The following CDS1 variants were observed in gnomAD, a reference collection of about 807,000 sequenced individuals.
CDS1 encodes CDP-diacylglycerol synthase 1.
Under a neutral mutation model 62.1 loss-of-function variants are expected in CDS1, and 41 were observed. The ratio of observed to expected loss-of-function variants is 0.66; its 90% CI spans 0.51 to 0.86. CDS1 has a LOEUF of 0.86. Ranked by LOEUF, CDS1 falls within the 40% of genes least tolerant of loss-of-function variation. The pLI is 0.00. For synonymous variants in CDS1, 185 were observed against 192.6 expected, an observed-to-expected ratio of 0.96 and a Z score of 0.32; for missense variants, 470 against 550.1, an observed-to-expected ratio of 0.85 and a Z score of 1.46.
chr4:84,609,526 G>A lies in CDS1; in HGVS notation c.342+1G>A. 6.4e-7 allele frequency: 1 copy of A among 1,559,602 alleles called. No individual in the cohort carries two copies. The highest frequency in any genetic ancestry group is 8.8e-7 in the Non-Finnish European group (1 of 1,132,176). ...GGGATCCTTCATGCTGATGCTTCTT[G>A]TAAGTTTTTGACTTTTCCCTGAGTG... On this transcript the variant is annotated splice_donor_variant, in intron 3 of 12. Coordinates refer to ENST00000295887, the MANE Select transcript of CDS1 (RefSeq NM_001263.4). LOFTEE classifies it high-confidence loss of function.
At chr4:84,605,265 T>G (rs1479250632) in intron 2 of CDS1, among the ~76,000 whole-genome samples, 1 of 152,154 alleles carries the variant, frequency 6.6e-6, no homozygotes, top group Non-Finnish European at 1.5e-5. Flanking sequence ...TATGAAACAA[T>G]TCTTCCCATT....
intron 5 of CDS1, among the ~76,000 whole-genome samples, chr4:84,630,131 A>T (rs936739165): frequency 3.9e-5 from 6 of 152,218 alleles, no homozygotes; most frequent in Non-Finnish European, 5.9e-5. Flanking sequence ...TTATTACTTG[A>T]GCTTCAAGAT....
At chr4:84,600,681 C>G (rs898621426) in intron 1 of CDS1, among the ~76,000 whole-genome samples, 1 of 152,180 alleles carries the variant, frequency 6.6e-6, no homozygotes, top group Non-Finnish European at 1.5e-5. Context: ...GTCTTGATTA[C>G]AGTAGCTTTA....
intron 5 of CDS1, among the ~76,000 whole-genome samples, chr4:84,620,263 C>T (rs1723640385): frequency 7.0e-6 from 1 of 141,870 alleles, no homozygotes; most frequent in Admixed American, 7.2e-5. Context: ...CACTCTGTCG[C>T]CCAGGGTGGA....
intron 4 of CDS1, among the ~76,000 whole-genome samples, chr4:84,618,280 G>A (rs1447155753): frequency 2.6e-5 from 4 of 152,178 alleles, no homozygotes; most frequent in Non-Finnish European, 2.9e-5. Flanking sequence ...AAAACAGATG[G>A]GGTTTAGAAT....
intron 1 of CDS1, 77 bp from the exon 2 acceptor site, chr4:84,604,166 G>A (rs900792089): frequency 2.9e-5 from 35 of 1,197,468 alleles, no homozygotes; most frequent in African/African-American, 6.1e-5. Flanking sequence ...GACACACTGA[G>A]CAATAAATGA....
intron 5 of CDS1, among the ~76,000 whole-genome samples, chr4:84,620,023 TAAA>T (rs34828724): frequency 1.2e-4 from 15 of 121,368 alleles, no homozygotes; most frequent in Admixed American, 1.7e-4. Flanking sequence ...AACTCTTATC[TAAA>T]AAAAAAAAAA....
At chr4:84,610,382 A>AT (rs1723281629) in intron 3 of CDS1, among the ~76,000 whole-genome samples, 1 of 152,196 alleles carries the variant, frequency 6.6e-6, no homozygotes, top group Admixed American at 6.5e-5. Flanking sequence ...GGGTGTCTAT[A>AT]TAGGGCACTG....
intron 1 of CDS1, among the ~76,000 whole-genome samples, chr4:84,599,456 A>T (rs1396704738): frequency 7.1e-6 from 1 of 140,482 alleles, no homozygotes; most frequent in African/African-American, 2.7e-5. Flanking sequence ...ATATATGCCT[A>T]TGAAGCCATC....
intron 5 of CDS1, among the ~76,000 whole-genome samples, chr4:84,625,674 G>A (rs1723835019): frequency 6.6e-6 from 1 of 151,970 alleles, no homozygotes; most frequent in African/African-American, 2.4e-5. Flanking sequence ...TGTATGTCAT[G>A]GGAAAGGTTT....
chr4:84,587,598 A>G (rs1391850708), intron 1 of CDS1, among the ~76,000 whole-genome samples: 1 of 152,186 alleles, frequency 6.6e-6, no homozygotes, highest in Non-Finnish European at 1.5e-5. Flanking sequence ...TTGAGTGGGA[A>G]TGAGTATTGA....
At chr4:84,621,257 G>T (rs1444054596) in intron 5 of CDS1, among the ~76,000 whole-genome samples, 1 of 152,176 alleles carries the variant, frequency 6.6e-6, no homozygotes, top group African/African-American at 2.4e-5. Flanking sequence ...GCTCCTAGGA[G>T]TTTCCCAATA....
At chr4:84,589,695 G>A (rs1211706867) in intron 1 of CDS1, among the ~76,000 whole-genome samples, 2 of 152,220 alleles carry the variant, frequency 1.3e-5, no homozygotes, top group African/African-American at 2.4e-5. Flanking sequence ...ACAGAGCTGG[G>A]TTTTTAGCTT....
In CDS1 at chr4:84,617,632, T is replaced by G. The variant is rs920554135; in HGVS notation, c.411T>G (p.Tyr137Ter). The G allele has an allele frequency of 1.3e-6, 2 of 1,570,606 alleles. No individual in the cohort carries two copies. Among genetic ancestry groups the G allele is most frequent in the Middle Eastern group, 1.7e-4 (1 of 5,970 alleles). The change falls in exon 4 of 13, where the codon TAT (tyrosine) becomes TAG (stop). Residue 137 changes from tyrosine (Y) to a stop codon, truncating the protein, a stop_gained. Transcript: ENST00000295887. LOFTEE classifies it high-confidence loss of function. ...TAGGTTATAGAGTCTATCATTCTTA[T>G]GATCTACCATGGTTTAGAACACTAA... ...ITIGYRVYHSYDLPWFRTLSW... is the reference protein window; with the variant it reads ...ITIGYRVYHS
chr4:84,631,432 ATTAAT>A (rs1724016640), intron 5 of CDS1, among the ~76,000 whole-genome samples: 2 of 152,228 alleles, frequency 1.3e-5, no homozygotes, highest in South Asian at 4.1e-4. Flanking sequence ...AATAGTTATT[ATTAAT>A]TTTTCTATTA....
chr4:84,637,165 C>G (rs1295185367), intron 8 of CDS1, among the ~76,000 whole-genome samples: 3 of 152,150 alleles, frequency 2.0e-5, no homozygotes, highest in Non-Finnish European at 4.4e-5. Flanking sequence ...TATAAGGATA[C>G]TGGTAAGCAA....
At chr4:84,599,998 C>T (rs1035064799) in intron 1 of CDS1, among the ~76,000 whole-genome samples, 8 of 152,252 alleles carry the variant, frequency 5.3e-5, no homozygotes, top group South Asian at 4.1e-4. Flanking sequence ...ACATTCTCAC[C>T]GGCAGTGCGC....
At chr4:84,617,826 T>C (rs1188358590) in intron 4 of CDS1, among the ~76,000 whole-genome samples, 165 bp downstream of exon 4, 2 of 152,198 alleles carry the variant, frequency 1.3e-5, no homozygotes, top group East Asian at 1.9e-4. Flanking sequence ...ACCTTTGTCT[T>C]TCCTACTCCA....
chr4:84,624,291 CAAAA>C (rs36093550), intron 5 of CDS1, among the ~76,000 whole-genome samples: 1 of 119,628 alleles, frequency 8.4e-6, no homozygotes, highest in African/African-American at 2.9e-5. Flanking sequence ...AAAAAACAAA[CAAAA>C]AAAAAAAAAC....
Sources: gnomAD v4.1 joint callset for allele counts (sites outside exome capture counted in the v4.1 genomes callset) on GRCh38, gnomAD v4.1.1 for gene constraint, MANE v1.5 for transcripts, NCBI Gene and HGNC (gene_info 2026-07-23, HGNC 2026-07-21) for gene names.